Variants in CELA2A observed in about 807,000 individuals in gnomAD.
CELA2A encodes the protein chymotrypsin-like elastase family member 2A.
A neutral mutation model predicts 35.3 loss-of-function variants in CELA2A; 31 were observed. The observed-to-expected ratio is 0.88, with a 90% confidence interval of 0.66 to 1.19. The LOEUF is 1.19. Among genes scored for constraint, CELA2A ranks in the 50% most tolerant of loss-of-function variants. The pLI is 0.00. For synonymous variants in CELA2A, 150 were observed against 149.8 expected (o/e 1.00, Z -0.01); for missense variants, 330 against 352.9 (o/e 0.94, Z 0.52).
intron 2 of CELA2A, among the ~76,000 whole-genome samples, chr1:15,458,466 T>C (rs756446232): frequency 3.9e-5 from 6 of 152,220 alleles, no homozygotes; most frequent in Non-Finnish European, 7.3e-5. Flanking sequence ...TAAACTGCTT[T>C]GGGAGCAAAC....
At chr1:15,463,158 A>C in intron 4 of CELA2A, 1 of 738,128 alleles carries the variant, frequency 1.4e-6, no homozygotes, top group Admixed American at 2.9e-5. Context: ...GGACACAGGG[A>C]CAGTGCTGTC....
rs1472427636 is a variant in CELA2A at position 15,465,915 on chromosome 1, CA to C, written c.494-83del. ...TGTTGCAATGGATGGAAGACAGGAA[CA>C]GGGGAAACCTAAGACGGGTCCATCA... On this transcript the variant is annotated intron_variant, in intron 5 of 7. Coordinates refer to ENST00000359621, the MANE Select transcript of CELA2A (RefSeq NM_033440.3). The C allele has an allele frequency of 8.7e-6, 13 of 1,502,088 alleles. No individual in the cohort carries two copies. The East Asian group carries it at 1.8e-4, about 21-fold the overall frequency. 93.0% of individuals were successfully genotyped at this position (1,502,088 alleles called of 1,614,324 possible).
chr1:15,463,073 AC>A (rs1271551371), intron 4 of CELA2A: 1 of 817,468 alleles, frequency 1.2e-6, no homozygotes, highest in African/African-American at 1.7e-5. Context: ...TGCCAGAGCG[AC>A]CTGGGTTTGC....
intron 3 of CELA2A, chr1:15,461,919 G>A: frequency 1.5e-6 from 1 of 653,588 alleles, no homozygotes; most frequent in East Asian, 3.1e-5. Context: ...TGCCCTCTTG[G>A]GGAAACTACA....
At chr1:15,468,630 G>T (rs1291679288) in intron 7 of CELA2A, among the ~76,000 whole-genome samples, 3 of 152,076 alleles carry the variant, frequency 2.0e-5, no homozygotes, top group Non-Finnish European at 4.4e-5. Flanking sequence ...AACATAGCAA[G>T]ACTCTGTCTT....
At chr1:15,462,637 G>A in intron 3 of CELA2A, 96 bp from the exon 4 acceptor site, 1 of 1,481,536 alleles carries the variant, frequency 6.7e-7, no homozygotes, top group Non-Finnish European at 9.2e-7. Context: ...CCCATCTAGT[G>A]GCTCACGCAG....
At position 15,466,072 on chromosome 1, in the gene CELA2A, T is replaced by G; in HGVS notation, c.567T>G (p.Ser189=). 6.2e-7 allele frequency: 1 copy of G among 1,614,186 alleles called. No individual in the cohort carries two copies. Among genetic ancestry groups the G allele is most frequent in the Non-Finnish European group, 8.5e-7 (1 of 1,180,048 alleles). The change falls in exon 6 of 8, where the codon TCT becomes TCG. Residue 189 remains serine, a synonymous_variant. Transcript: ENST00000359621. ...LVVDYATCSS[S]AWWGSSVKTS... ...TGGACTATGCCACCTGCTCCAGCTC[T>G]GCCTGGTGGGGCAGCAGCGTGAAAA... is the stretch of plus-strand genomic sequence containing the variant.
intron 7 of CELA2A, among the ~76,000 whole-genome samples, chr1:15,471,500 A>G (rs1334402894): frequency 2.6e-5 from 4 of 152,040 alleles, no homozygotes; most frequent in Admixed American, 2.6e-4. Flanking sequence ...GTGAGCCCAG[A>G]TCGCCCTACT....
chr1:15,470,254 A>T (rs564351795), intron 7 of CELA2A, among the ~76,000 whole-genome samples: 2 of 152,238 alleles, frequency 1.3e-5, no homozygotes, highest in South Asian at 4.1e-4. Flanking sequence ...TGCAGCCTGG[A>T]GTCACATACC....
At chr1:15,458,191 G>A (rs1708386236) in intron 2 of CELA2A, among the ~76,000 whole-genome samples, 1 of 152,016 alleles carries the variant, frequency 6.6e-6, no homozygotes, top group Non-Finnish European at 1.5e-5. Context: ...TATAAGCCAT[G>A]CCCCATATCT....
In CELA2A at chr1:15,463,448, C is replaced by T. The variant is rs1380302444; in HGVS notation, c.419C>T (p.Ala140Val). ...TCCCTCACCGACAAGATCCAGCTGG[C>T]CTGCCTCCCTCCTGCCGGCACCATT... ...PVSLTDKIQL[A>V]CLPPAGTILP... Residue 140 changes from alanine to valine, a missense_variant, in exon 5 of 8, where the codon GCC (alanine) becomes GTC (valine). Physicochemically the swap from Ala to Val is moderately conservative, Grantham distance 64 (BLOSUM62 0). Coordinates refer to ENST00000359621, the MANE Select transcript of CELA2A (RefSeq NM_033440.3). The T allele has an allele frequency of 1.2e-6, 2 of 1,613,928 alleles. No individual in the cohort carries two copies. Among genetic ancestry groups the T allele is most frequent in the African/African-American group, 2.7e-5 (2 of 74,928 alleles).
chr1:15,458,855 G>A (rs1708394873), intron 2 of CELA2A, among the ~76,000 whole-genome samples: 2 of 131,452 alleles, frequency 1.5e-5, no homozygotes, highest in Non-Finnish European at 3.1e-5. Flanking sequence ...GCAGGTTGCG[G>A]TGAGCCAAGA....
At chr1:15,468,093 A>G (rs1258415614) in intron 7 of CELA2A, among the ~76,000 whole-genome samples, 2 of 32,870 alleles carry the variant, frequency 6.1e-5, no homozygotes, top group Non-Finnish European at 2.2e-4. Flanking sequence ...ACTCCATCTA[A>G]AAAAAAAAAA....
intron 4 of CELA2A, 95 bp downstream of exon 4, chr1:15,462,956 C>A (rs1388032118): frequency 1.3e-6 from 2 of 1,522,950 alleles, no homozygotes; most frequent in Non-Finnish European, 1.8e-6. Context: ...CACACCCCCT[C>A]TGCTTCTTCT....
At chr1:15,460,545 G>T (rs1270355154) in intron 2 of CELA2A, among the ~76,000 whole-genome samples, 2 of 151,998 alleles carry the variant, frequency 1.3e-5, no homozygotes, top group Admixed American at 1.3e-4. Flanking sequence ...CTGCTTGGCC[G>T]TGGCAGGGAA....
intron 7 of CELA2A, 27 bp from the exon 8 acceptor site, chr1:15,471,963 C>T: frequency 6.2e-7 from 1 of 1,614,064 alleles, no homozygotes; most frequent in South Asian, 1.1e-5. Flanking sequence ...TTAGGTGAAC[C>T]TGACGATTAT....
At chr1:15,468,479 A>C (rs1313090430) in intron 7 of CELA2A, among the ~76,000 whole-genome samples, 2 of 152,182 alleles carry the variant, frequency 1.3e-5, no homozygotes, top group Non-Finnish European at 2.9e-5. Context: ...CAATGAACAC[A>C]TTTGTTTATA....
intron 2 of CELA2A, among the ~76,000 whole-genome samples, chr1:15,459,026 T>C (rs1178060433): frequency 6.7e-6 from 1 of 148,886 alleles, no homozygotes; most frequent in African/African-American, 2.5e-5. Context: ...AGTCTTGCTC[T>C]GTCACCCAGG....
Position 15,463,431 on chromosome 1 carries a change from C to A in CELA2A, c.402C>A (p.Thr134=), listed in dbSNP as rs767868645. ...LLKLANPVSL[T]DKIQLACLPP... The stretch of plus-strand genomic sequence containing the variant: ...AACTGGCTAACCCCGTCTCCCTCAC[C>A]GACAAGATCCAGCTGGCCTGCCTCC... The change falls in exon 5 of 8, where the codon ACC becomes ACA. Residue 134 remains threonine (T), a synonymous_variant. Transcript: ENST00000359621. 1.7e-5 allele frequency: 27 copies of A among 1,613,856 alleles called. No homozygotes were observed. The highest frequency in any genetic ancestry group is 2.1e-5 in the Non-Finnish European group (25 of 1,179,898).
Sources: gnomAD v4.1 joint callset for allele counts (sites outside exome capture counted in the v4.1 genomes callset) on GRCh38, gnomAD v4.1.1 for gene constraint, MANE v1.5 for transcripts, NCBI Gene and HGNC (gene_info 2026-07-23, HGNC 2026-07-21) for gene names.